JAK3: variants seen among roughly 807,000 people sequenced by gnomAD.
JAK3 encodes the protein Janus kinase 3.
Under a neutral mutation model 120.8 loss-of-function variants are expected in JAK3, and 88 were observed. The ratio of observed to expected loss-of-function variants is 0.73; its 90% CI spans 0.61 to 0.87. The LOEUF (loss-of-function observed/expected upper bound fraction) is 0.87, where lower values mean the gene tolerates loss of function less well. Ranked by LOEUF, JAK3 falls within the 40% of genes least tolerant of loss-of-function variation. The pLI, the probability that JAK3 is intolerant of heterozygous loss-of-function variation, is 0.00. For missense variants in JAK3, 1,254 were observed against 1,501.4 expected (o/e 0.84, Z 2.72); for synonymous variants, 592 against 628.6 (o/e 0.94, Z 0.87).
At chr19:17,828,040 T>C (rs2094207304) in intron 23 of JAK3, among the ~76,000 whole-genome samples, 1 of 152,006 alleles carries the variant, frequency 6.6e-6, no homozygotes, top group Non-Finnish European at 1.5e-5. Flanking sequence ...CCCAGCTCAT[T>C]ACCTCCCCAA....
At chr19:17,847,821 C>T (rs2094255853) in intron 1 of JAK3, 125 bp downstream of exon 1, 1 of 294,950 alleles carries the variant, frequency 3.4e-6, no homozygotes, top group Non-Finnish European at 5.3e-6. Flanking sequence ...CGCAGCTTTC[C>T]TCCGAGGCCT....
At chr19:17,840,392 CAGAGAG>C in intron 8 of JAK3, 51 bp from the exon 9 acceptor site, 1 of 1,250,626 alleles carries the variant, frequency 8.0e-7, no homozygotes, top group Non-Finnish European at 1.2e-6. Flanking sequence ...TAGAAGAAGA[CAGAGAG>C]ACCTGGGCTC....
At position 17,831,899 on chromosome 19, in the gene JAK3, T is replaced by C. The variant is rs185010728; in HGVS notation, c.2681-101A>G. 116 of 1,487,384 alleles carry C rather than the reference T, an allele frequency of 7.8e-5. 1 individual carries two copies. In the African/African-American group the frequency reaches 1.4e-3, roughly 18 times the overall value. The allele number at this position is 1,487,384 out of a possible 1,614,324, so 92.1% of individuals were successfully genotyped here. A position where few individuals can be genotyped will look rare whatever the true frequency, so the allele number is the denominator to read the frequency against. ...ACCTTGTGTCCCTCTCGACCTCAGT[T>C]TTGCTGACTGTAATATGGGAACCGC... On this transcript the variant is annotated intron_variant, in intron 19 of 23. Coordinates refer to ENST00000458235, the MANE Select transcript of JAK3 (RefSeq NM_000215.4). The surrounding 1 kb of genome is among the most constrained non-coding windows in gnomAD (Gnocchi z 5.1).
Position 17,842,985 on chromosome 19 carries a change from A to G in JAK3, c.566+42T>C. On this transcript the variant is annotated intron_variant, in intron 5 of 23. Coordinates refer to ENST00000458235, the MANE Select transcript of JAK3 (RefSeq NM_000215.4). The surrounding 1 kb of genome is among the most constrained non-coding windows in gnomAD (Gnocchi z 6.4). ...AGCCCCGATGGAGCCCACGTTGCTC[A>G]CTCCCAAGCAGAGGCCGTCCCCACA... 2 of 1,606,144 alleles carry G rather than the reference A, an allele frequency of 1.2e-6. No individual in the cohort carries two copies. Among genetic ancestry groups the G allele is most frequent in the Non-Finnish European group, 1.7e-6 (2 of 1,179,446 alleles).
Position 17,831,896 on chromosome 19 carries a change from A to T in JAK3, c.2681-98T>A, listed in dbSNP as rs2094215273. On this transcript the variant is annotated intron_variant, in intron 19 of 23. Transcript: ENST00000458235. This position sits in a 1 kb window ranked among gnomAD's most constrained non-coding sequence, Gnocchi z 5.1. ...GGGACCTTGTGTCCCTCTCGACCTCAGTTTTGCTGACTGTAATATGGGAAC... is the reference window on the plus strand; with the variant it reads ...GGGACCTTGTGTCCCTCTCGACCTCTGTTTTGCTGACTGTAATATGGGAAC... 11 of 1,507,806 alleles carry T rather than the reference A, an allele frequency of 7.3e-6. No individual in the cohort carries two copies. The Admixed American group carries it at 1.9e-4, about 26-fold the overall frequency. 93.4% of individuals were successfully genotyped at this position (1,507,806 alleles called of 1,614,324 possible).
At position 17,838,850 on chromosome 19, in the gene JAK3, G is replaced by A. The variant is rs914491076; in HGVS notation, c.1442-460C>T. 6.5e-4 allele frequency among the ~76,000 whole-genome samples: 98 copies of A among 151,804 alleles called. 1 individual carries two copies. Among genetic ancestry groups the A allele is most frequent in the Non-Finnish European group, 2.5e-4 (17 of 67,968 alleles). ...CCTGCCTCAGCCTCCCAAGTAGCTGGGACTACAGGAGTGTGCCAGCACACC... is the reference window on the plus strand; with the variant it reads ...CCTGCCTCAGCCTCCCAAGTAGCTGAGACTACAGGAGTGTGCCAGCACACC... On this transcript the variant is annotated intron_variant, in intron 10 of 23. Coordinates refer to ENST00000458235, the MANE Select transcript of JAK3 (RefSeq NM_000215.4).
Position 17,844,381 on chromosome 19 carries a change from G to T in JAK3, c.37C>A (p.Gln13Lys), listed in dbSNP as rs201771231. ...PPSEETPLIP[Q>K]RSCSLLSTEA... ...GTGGACAAGAGGCTGCATGAACGCT[G>T]AGGGATCAGGGGCGTCTCTTCACTT... Residue 13 changes from glutamine to lysine, a missense_variant, in exon 2 of 24, where the codon CAG (glutamine) becomes AAG (lysine). Coordinates refer to ENST00000458235, the MANE Select transcript of JAK3 (RefSeq NM_000215.4). 6.2e-7 allele frequency: 1 copy of T among 1,612,346 alleles called. No individual in the cohort carries two copies. The highest frequency in any genetic ancestry group is 8.5e-7 in the Non-Finnish European group (1 of 1,179,744).
chr19:17,827,089 C>G (rs1178063221), intron 23 of JAK3, among the ~76,000 whole-genome samples, 179 bp from the exon 24 acceptor site: 1 of 152,046 alleles, frequency 6.6e-6, no homozygotes. Flanking sequence ...AAGCAATTAT[C>G]CTGCCTCAGC....
At position 17,842,929 on chromosome 19, in the gene JAK3, G is replaced by C. The variant is rs1040461012; in HGVS notation, c.566+98C>G. Reference sequence around the variant, plus strand: ...GGTCATAGGAACACCCTGAAAGCTTGCAGGAGAACTCCATGGTGGGAGCCC... The same window carrying C: ...GGTCATAGGAACACCCTGAAAGCTTCCAGGAGAACTCCATGGTGGGAGCCC... On this transcript the variant is annotated intron_variant, in intron 5 of 23. Transcript: ENST00000458235. This position sits in a 1 kb window ranked among gnomAD's most constrained non-coding sequence, Gnocchi z 6.4. 13 of 1,521,896 alleles carry C rather than the reference G, an allele frequency of 8.5e-6. No individual in the cohort carries two copies. Among genetic ancestry groups the C allele is most frequent in the Non-Finnish European group, 1.1e-5 (12 of 1,111,780 alleles). 94.3% of individuals were successfully genotyped at this position (1,521,896 alleles called of 1,614,324 possible).
chr19:17,846,910 G>GT (rs1003656535), intron 1 of JAK3, among the ~76,000 whole-genome samples: 2 of 69,650 alleles, frequency 2.9e-5, no homozygotes, highest in African/African-American at 2.6e-4. Flanking sequence ...TTATTTTGTA[G>GT]GGGGGAGGAC....
rs759887019 is a variant in JAK3 at position 17,842,607 on chromosome 19, G to A, written c.570C>T (p.Tyr190=). 8.9e-6 allele frequency: 14 copies of A among 1,572,460 alleles called. No homozygotes were observed. The African/African-American group carries it at 1.9e-4, about 21-fold the overall frequency. The part of the protein sequence containing the change: ...RPGELLKTVS[Y]KACLPPSLRD... ...GCAGGCTTGGGGGTAGGCAGGCCTTGTAGCTGCAGGGGTTGGAGGGGAGGG... is the reference window on the plus strand; with the variant it reads ...GCAGGCTTGGGGGTAGGCAGGCCTTATAGCTGCAGGGGTTGGAGGGGAGGG... Residue 190 remains tyrosine (Y), a synonymous_variant, in exon 6 of 24, where the codon TAC becomes TAT. Coordinates refer to ENST00000458235, the MANE Select transcript of JAK3 (RefSeq NM_000215.4). This position sits in a 1 kb window ranked among gnomAD's most constrained non-coding sequence, Gnocchi z 6.4.
chr19:17,836,011 G>T lies in JAK3; in HGVS notation c.1827C>A (p.Asp609Glu). 1 of 1,614,138 alleles carries T rather than the reference G, an allele frequency of 6.2e-7. No individual in the cohort carries two copies. Among genetic ancestry groups the T allele is most frequent in the Non-Finnish European group, 8.5e-7 (1 of 1,180,044 alleles). ...GGTGGCCACGTTTTCGCAGATACAT[G>T]TCTATGGCCCCCAGGTGTACAAATT... ...VQEFVHLGAI[D>E]MYLRKRGHLV... The change falls in exon 14 of 24, where the codon GAC (aspartate) becomes GAA (glutamate). Residue 609 changes from aspartate to glutamate, a missense_variant. Transcript: ENST00000458235.
Position 17,826,384 on chromosome 19 carries a change from C to CAAAAAT in JAK3, c.*353_*358dup, listed in dbSNP as rs2094203936. 3 of 295,886 alleles carry CAAAAAT rather than the reference C, an allele frequency of 1.0e-5. No homozygotes were observed. Among genetic ancestry groups the CAAAAAT allele is most frequent in the South Asian group, 5.3e-5 (1 of 18,858 alleles). 18.3% of individuals were successfully genotyped at this position (295,886 alleles called of 1,614,324 possible). A position where few individuals can be genotyped will look rare whatever the true frequency, so the allele number is the denominator to read the frequency against. On this transcript the variant is annotated 3_prime_UTR_variant, in exon 24 of 24. Transcript: ENST00000458235. ...TGGGTAACAGAGCGAGGCTCTGTCT[C>CAAAAAT]AAAAATAAAAATAAAAATAAAAAAA...
chr19:17,826,969 C>T, intron 23 of JAK3, 59 bp from the exon 24 acceptor site: 2 of 1,560,800 alleles, frequency 1.3e-6, no homozygotes, highest in African/African-American at 1.4e-5. Context: ...GACACAACTC[C>T]CATTCAGCGT....
At chr19:17,847,899 C>CAA in intron 1 of JAK3, 47 bp downstream of exon 1, 1 of 694,408 alleles carries the variant, frequency 1.4e-6, no homozygotes, top group Non-Finnish European at 1.8e-6. Flanking sequence ...CCACCACCAT[C>CAA]CTCCCCCAGT....
chr19:17,840,283 G>C lies in JAK3; in HGVS notation c.1201C>G (p.Leu401Val). The C allele has an allele frequency of 6.2e-7, 1 of 1,614,040 alleles. No individual in the cohort carries two copies. The highest frequency in any genetic ancestry group is 8.5e-7 in the Non-Finnish European group (1 of 1,180,020). ...TGGSRPGSYV[L>V]RRSPQDFDSF... ...TCAAAGTCCTGGGGGCTGCGGCGGA[G>C]AACATAGGAGCCAGGACGTGAGCCC... is the stretch of plus-strand genomic sequence containing the variant. Residue 401 changes from leucine (L) to valine (V), a missense_variant, in exon 9 of 24, where the codon CTC (leucine) becomes GTC (valine). Leu to Val is a conservative substitution (Grantham distance 32, BLOSUM62 1). Coordinates refer to ENST00000458235, the MANE Select transcript of JAK3 (RefSeq NM_000215.4).
intron 1 of JAK3, among the ~76,000 whole-genome samples, chr19:17,845,538 T>C (rs901979113): frequency 3.9e-5 from 6 of 152,096 alleles, no homozygotes; most frequent in African/African-American, 1.4e-4. Context: ...TCCCAGCACT[T>C]TGACAGGCCG....
rs199774111 is a variant in JAK3, at chr19:17,834,914, C to T, written c.2137G>A (p.Ala713Thr). 30 of 1,614,034 alleles carry T rather than the reference C, an allele frequency of 1.9e-5. No individual in the cohort carries two copies. The highest frequency in any genetic ancestry group is 5.0e-5 in the Admixed American group (3 of 59,986). The change falls in exon 16 of 24, where the codon GCC becomes ACC. Residue 713 changes from alanine (A) to threonine (T), a missense_variant. This residue lies in a region of JAK3 where 630 missense variants were observed against 819.8 expected (regional missense o/e 0.77). Coordinates refer to ENST00000458235, the MANE Select transcript of JAK3 (RefSeq NM_000215.4). ...CCACTAAACACTTCCCAGACCGTGG[C>T]GCCGAAGCCCCACTTGTCAGCTTCC... Reference protein sequence around the residue: ...SLEADKWGFGATVWEVFSGVT... With the variant: ...SLEADKWGFGTTVWEVFSGVT...
At chr19:17,834,543 T>C (rs1175209017) in intron 17 of JAK3, 28 bp downstream of exon 17, 1 of 1,602,924 alleles carries the variant, frequency 6.2e-7, no homozygotes. Context: ...ATCACAGCCC[T>C]CCCCACCCAA....
Sources: gnomAD v4.1 joint callset for allele counts (sites outside exome capture counted in the v4.1 genomes callset) on GRCh38, gnomAD v4.1.1 for gene constraint, gnomAD v4.1.1 regional missense constraint, Gnocchi (gnomAD v3.1) non-coding constraint, MANE v1.5 for transcripts, NCBI Gene and HGNC (gene_info 2026-07-23, HGNC 2026-07-21) for gene names.